The following GPC6 variants were observed in gnomAD, a reference collection of about 807,000 sequenced individuals.
GPC6 encodes the protein glypican-6.
In GPC6, 14 loss-of-function variants were observed where a neutral mutation model predicts 55.2. That is an observed-to-expected ratio of 0.25 (90% CI 0.17 to 0.40). GPC6 has a LOEUF of 0.40. GPC6 is among the 10% of genes least tolerant of loss of function. The pLI, the probability that GPC6 is intolerant of heterozygous loss-of-function variation, is 1.00. For missense variants in GPC6, 641 were observed against 708.5 expected (o/e 0.90, Z 1.08); for synonymous variants, 278 against 259.6 (o/e 1.07, Z -0.68).
At chr13:94,393,999 T>C (rs1880786753) in intron 7 of GPC6, among the ~76,000 whole-genome samples, 1 of 152,076 alleles carries the variant, frequency 6.6e-6, no homozygotes. Flanking sequence ...CTGTTTAATA[T>C]CTCTCAGATG....
intron 4 of GPC6, among the ~76,000 whole-genome samples, chr13:94,198,955 G>A (rs1484211343): frequency 6.6e-6 from 1 of 152,030 alleles, no homozygotes; most frequent in Non-Finnish European, 1.5e-5. Flanking sequence ...ACAGACAGAG[G>A]ACTTCCTCGA....
At chr13:93,420,104 G>A (rs904641123) in intron 1 of GPC6, among the ~76,000 whole-genome samples, 1 of 152,080 alleles carries the variant, frequency 6.6e-6, no homozygotes, top group Non-Finnish European at 1.5e-5. Flanking sequence ...TAATTACAGA[G>A]CTAAAAAGTA....
At chr13:94,352,793 C>T (rs1260190052) in intron 6 of GPC6, among the ~76,000 whole-genome samples, 1 of 152,200 alleles carries the variant, frequency 6.6e-6, no homozygotes, top group East Asian at 1.9e-4. Context: ...CCCAACTGAT[C>T]TAGCCCACTA....
intron 1 of GPC6, among the ~76,000 whole-genome samples, chr13:93,352,216 T>C (rs958977022): frequency 3.3e-5 from 5 of 152,204 alleles, no homozygotes; most frequent in African/African-American, 4.8e-5. Flanking sequence ...CACCTTAAAA[T>C]AGCTAATTTT....
At chr13:93,546,823 T>A (rs570797428) in intron 2 of GPC6, among the ~76,000 whole-genome samples, 1 of 152,168 alleles carries the variant, frequency 6.6e-6, no homozygotes, top group Non-Finnish European at 1.5e-5. Context: ...CTGTTGCCAG[T>A]GATTTTGACT....
chr13:93,874,979 A>G (rs141800825), intron 3 of GPC6, among the ~76,000 whole-genome samples: 1 of 152,116 alleles, frequency 6.6e-6, no homozygotes, highest in African/African-American at 2.4e-5. Context: ...ATTTAGTTCT[A>G]TGTTGCCACT....
intron 3 of GPC6, among the ~76,000 whole-genome samples, chr13:93,889,661 T>C (rs996764558): frequency 2.6e-5 from 4 of 152,118 alleles, no homozygotes; most frequent in African/African-American, 9.7e-5. Context: ...TCATTTTCCA[T>C]TGAGCACCTG....
rs1877744794 is a variant in GPC6 at position 93,924,432 on chromosome 13, A to G, written c.711+93887A>G. 2.6e-5 allele frequency among the ~76,000 whole-genome samples: 4 copies of G among 152,334 alleles called. No individual in the cohort carries two copies. The South Asian group carries it at 8.3e-4, about 32-fold the overall frequency. On this transcript the variant is annotated intron_variant, in intron 3 of 8. Transcript: ENST00000377047. ...GGTGTTTTAACAAACATTTTATGCT[A>G]AGGAAAAGGAAACCAAATGCTTTTT... is the stretch of plus-strand genomic sequence containing the variant.
chr13:93,283,708 C>A (rs1337354456), intron 1 of GPC6, among the ~76,000 whole-genome samples: 4 of 152,162 alleles, frequency 2.6e-5, no homozygotes, highest in African/African-American at 7.2e-5. Context: ...TGTGAATAAT[C>A]CCAAACTGCA....
At chr13:93,750,275 AATTCTACTTGGCT>A (rs1164855090) in intron 2 of GPC6, among the ~76,000 whole-genome samples, 1 of 152,192 alleles carries the variant, frequency 6.6e-6, no homozygotes, top group East Asian at 1.9e-4. Flanking sequence ...GTTGTTTGGG[AATTCTACTTGGCT>A]ATTTCTAGTA....
intron 6 of GPC6, among the ~76,000 whole-genome samples, chr13:94,380,117 C>T (rs953197156): frequency 2.0e-5 from 3 of 152,140 alleles, no homozygotes; most frequent in African/African-American, 7.2e-5. Context: ...GTCTCAAAAT[C>T]TGTGTATCTG....
intron 1 of GPC6, among the ~76,000 whole-genome samples, chr13:93,241,004 T>A (rs893696839): frequency 2.0e-5 from 3 of 152,170 alleles, no homozygotes; most frequent in African/African-American, 7.2e-5. Context: ...TGCTGGGAAG[T>A]CTGCCATTAG....
At chr13:93,833,051 G>A (rs1887579282) in intron 3 of GPC6, among the ~76,000 whole-genome samples, 1 of 146,192 alleles carries the variant, frequency 6.8e-6, no homozygotes, top group South Asian at 2.2e-4. Flanking sequence ...TTGGAGATGG[G>A]TAGAGAGATA....
At chr13:93,592,558 T>G (rs1016482957) in intron 2 of GPC6, among the ~76,000 whole-genome samples, 2 of 151,130 alleles carry the variant, frequency 1.3e-5, no homozygotes, top group African/African-American at 4.8e-5. Flanking sequence ...CTCTCCAAGT[T>G]TTTAAATAAA....
intron 1 of GPC6, among the ~76,000 whole-genome samples, chr13:93,231,167 T>C (rs1566533075): frequency 6.6e-6 from 1 of 151,516 alleles, no homozygotes; most frequent in Non-Finnish European, 1.5e-5. Context: ...TAAGGGTGAC[T>C]CTACTAGTAA....
chr13:93,304,635 G>A (rs1304999184), intron 1 of GPC6, among the ~76,000 whole-genome samples: 2 of 152,198 alleles, frequency 1.3e-5, no homozygotes, highest in Non-Finnish European at 2.9e-5. Flanking sequence ...ATGACACAAA[G>A]ACAGATTTCA....
At chr13:93,651,963 G>A (rs951248001) in intron 2 of GPC6, among the ~76,000 whole-genome samples, 6 of 152,164 alleles carry the variant, frequency 3.9e-5, no homozygotes, top group Non-Finnish European at 8.8e-5. Flanking sequence ...AGCCAGGGCT[G>A]AGAACCACTG....
At chr13:93,760,120 T>G (rs1264123314) in intron 2 of GPC6, among the ~76,000 whole-genome samples, 1 of 152,152 alleles carries the variant, frequency 6.6e-6, no homozygotes, top group African/African-American at 2.4e-5. Flanking sequence ...TGAAATTGAT[T>G]TTTTACAGAA....
At position 94,387,730 on chromosome 13, in the gene GPC6, T is replaced by TTCTCTCTCTCTCTCTCTC. The variant is rs3044333; in HGVS notation, c.1289+5198_1289+5215dup. ...TACCCTTGTAAGAGGAGACATGAGT[T>TTCTCTCTCTCTCTCTCTC]TCTCTCTCTCTCTCTCTCTCTCTCT... On this transcript the variant is annotated intron_variant, in intron 7 of 8. Transcript: ENST00000377047. Among the ~76,000 whole-genome samples the TTCTCTCTCTCTCTCTCTC allele has an allele frequency of 1.7e-3, 238 of 141,244 alleles. 3 individuals carry two copies. The highest frequency in any genetic ancestry group is 2.4e-3 in the Non-Finnish European group (159 of 65,594). 92.7% of individuals were successfully genotyped at this position (141,244 alleles called of 152,430 possible).
Sources: gnomAD v4.1 joint callset for allele counts (sites outside exome capture counted in the v4.1 genomes callset) on GRCh38, gnomAD v4.1.1 for gene constraint, MANE v1.5 for transcripts, NCBI Gene and HGNC (gene_info 2026-07-23, HGNC 2026-07-21) for gene names.